The following CTNNB1 variants were observed in gnomAD, a reference collection of about 807,000 sequenced individuals.
CTNNB1 encodes the protein catenin beta-1.
A neutral mutation model predicts 82.5 loss-of-function variants in CTNNB1; 6 were observed. That is an observed-to-expected ratio of 0.07 (90% CI 0.04 to 0.14). The LOEUF is 0.14. CTNNB1 is among the 10% of genes least tolerant of loss of function. The pLI is 1.00. For missense variants in CTNNB1, 529 were observed against 980.4 expected, an observed-to-expected ratio of 0.54 and a Z score of 6.15; for synonymous variants, 312 against 329.7, an observed-to-expected ratio of 0.95 and a Z score of 0.58.
intron 10 of CTNNB1, 23 bp from the exon 11 acceptor site, chr3:41,235,701 G>C (rs1454426287): frequency 6.2e-7 from 1 of 1,614,092 alleles, no homozygotes; most frequent in African/African-American, 1.3e-5. Context: ...TGCCCTGTTT[G>C]TTAACCATGT....
rs1350450456 is a variant in CTNNB1, at chr3:41,225,055, G to A, written c.343G>A (p.Asp115Asn). 1 of 1,614,056 alleles carries A rather than the reference G, an allele frequency of 6.2e-7. No individual in the cohort carries two copies. Among genetic ancestry groups the A allele is most frequent in the Non-Finnish European group, 8.5e-7 (1 of 1,179,972 alleles). Residue 115 changes from aspartate (D) to asparagine (N), a missense_variant, in exon 4 of 15, where the codon GAT (aspartate) becomes AAT (asparagine). Coordinates refer to ENST00000349496, the MANE Select transcript of CTNNB1 (RefSeq NM_001904.4). This position sits in a 1 kb window ranked among gnomAD's most constrained non-coding sequence, Gnocchi z 5.3. ...EGMQIPSTQF[D>N]AAHPTNVQRL... ...CATGCAGATCCCATCTACACAGTTT[G>A]ATGCTGCTCATCCCACTAATGTCCA...
chr3:41,235,621 G>C, intron 10 of CTNNB1, 103 bp from the exon 11 acceptor site: 2 of 1,484,014 alleles, frequency 1.3e-6, no homozygotes, highest in South Asian at 2.3e-5. Context: ...TGCAAGTTAC[G>C]GGGAACTTCG....
At chr3:41,234,072 G>C in intron 9 of CTNNB1, 67 bp from the exon 10 acceptor site, 1 of 1,598,072 alleles carries the variant, frequency 6.3e-7, no homozygotes, top group East Asian at 2.2e-5. Flanking sequence ...ATTTAGTGTG[G>C]TGGGAATTTT....
Position 41,235,731 on chromosome 3 carries a change from T to C in CTNNB1, c.1691T>C (p.Val564Ala), listed in dbSNP as rs772081115. 6.2e-7 allele frequency: 1 copy of C among 1,613,774 alleles called. No homozygotes were observed. The highest frequency in any genetic ancestry group is 8.5e-7 in the Non-Finnish European group (1 of 1,179,920). ...CCATGTTTCTTTTGGCAGGAGGGGG[T>C]CCGCATGGAAGAAATAGTTGAAGGT... ...GGTQQQFVEG[V>A]RMEEIVEGCT... Residue 564 changes from valine to alanine, a missense_variant, in exon 11 of 15, where the codon GTC (valine) becomes GCC (alanine). Physicochemically the swap from Val to Ala is moderately conservative, Grantham distance 64. Transcript: ENST00000349496.
chr3:41,236,608 T>C lies in CTNNB1; in HGVS notation c.1975T>C (p.Leu659=), dbSNP rs781086938. The C allele has an allele frequency of 9.3e-6, 15 of 1,614,240 alleles. No homozygotes were observed. The highest frequency in any genetic ancestry group is 4.5e-5 in the East Asian group (2 of 44,886). Residue 659 remains leucine, a synonymous_variant, in exon 13 of 15, where the codon TTG becomes CTG. Transcript: ENST00000349496. ...CTTAGCGACATATGCAGCTGCTGTT[T>C]TGTTCCGAATGTCTGAGGACAAGCC... is the stretch of plus-strand genomic sequence containing the variant. ...EGVATYAAAV[L]FRMSEDKPQD... is the part of the protein sequence containing the mutation.
intron 1 of CTNNB1, among the ~76,000 whole-genome samples, chr3:41,218,183 T>C (rs2077957650): frequency 6.6e-6 from 1 of 152,152 alleles, no homozygotes; most frequent in South Asian, 2.1e-4. Flanking sequence ...CAAGCCCATT[T>C]CTCCTAATAC....
At chr3:41,223,296 C>T (rs2078095078) in intron 1 of CTNNB1, among the ~76,000 whole-genome samples, 1 of 151,500 alleles carries the variant, frequency 6.6e-6, no homozygotes, top group Non-Finnish European at 1.5e-5. Flanking sequence ...ACAATAAAGG[C>T]AAAATACGGA....
At chr3:41,205,663 G>C (rs2077633049) in intron 1 of CTNNB1, among the ~76,000 whole-genome samples, 1 of 151,866 alleles carries the variant, frequency 6.6e-6, no homozygotes, top group Non-Finnish European at 1.5e-5. Flanking sequence ...GCAACAGAGC[G>C]AGACTCCATC....
intron 2 of CTNNB1, 35 bp from the exon 3 acceptor site, chr3:41,224,491 A>C (rs761375943): frequency 1.9e-6 from 3 of 1,555,078 alleles, no homozygotes; most frequent in Non-Finnish European, 2.7e-6. Flanking sequence ...TAACATTTCC[A>C]ATCTACTAAT....
intron 8 of CTNNB1, 38 bp from the exon 9 acceptor site, chr3:41,233,491 T>A (rs2125638368): frequency 6.2e-7 from 1 of 1,612,430 alleles, no homozygotes; most frequent in Non-Finnish European, 8.5e-7. Context: ...TCAAGATGAG[T>A]ATGTGCTTGT....
In CTNNB1 at chr3:41,233,799, C is replaced by A. The variant is rs113411271; in HGVS notation, c.1456C>A (p.Arg486Ser). ...QEAEMAQNAV[R>S]LHYGLPVVVK... ...AGCAGAGATGGCCCAGAATGCAGTT[C>A]GCCTTCACTATGGACTACCAGTTGT... Residue 486 changes from arginine (R) to serine (S), a missense_variant, in exon 9 of 15, where the codon CGC becomes AGC. This residue lies in a region of CTNNB1 where 411 missense variants were observed against 776.4 expected (regional missense o/e 0.53). Transcript: ENST00000349496. 3 of 1,613,028 alleles carry A rather than the reference C, an allele frequency of 1.9e-6. No individual in the cohort carries two copies. The highest frequency in any genetic ancestry group is 1.3e-5 in the African/African-American group (1 of 74,970).
rs772823421 is a variant in CTNNB1 at position 41,233,685 on chromosome 3, G to T, written c.1342G>T (p.Val448Leu). Residue 448 changes from valine (V) to leucine (L), a missense_variant, in exon 9 of 15, where the codon GTG (valine) becomes TTG (leucine). Physicochemically the swap from Val to Leu is conservative, Grantham distance 32. Around this residue, in one of 4 missense-constraint regions of CTNNB1, gnomAD observed 411 missense variants for 776.4 expected, o/e 0.53. Coordinates refer to ENST00000349496, the MANE Select transcript of CTNNB1 (RefSeq NM_001904.4). The stretch of plus-strand genomic sequence containing the variant: ...CCAAGTGGGTGGTATAGAGGCTCTT[G>T]TGCGTACTGTCCTTCGGGCTGGTGA... ...VCQVGGIEAL[V>L]RTVLRAGDRE... 6.2e-7 allele frequency: 1 copy of T among 1,614,096 alleles called. No individual in the cohort carries two copies. Among genetic ancestry groups the T allele is most frequent in the South Asian group, 1.1e-5 (1 of 91,076 alleles).
At chr3:41,223,899 T>C (rs1333067887) in intron 1 of CTNNB1, 122 bp from the exon 2 acceptor site, 1 of 695,994 alleles carries the variant, frequency 1.4e-6, no homozygotes, top group African/African-American at 1.8e-5. Flanking sequence ...ACTAACCTGG[T>C]AAAAGAGGAT....
Position 41,225,889 on chromosome 3 carries a change from T to C in CTNNB1, c.936+28T>C. 1 of 1,589,660 alleles carries C rather than the reference T, an allele frequency of 6.3e-7. No homozygotes were observed. The highest frequency in any genetic ancestry group is 8.6e-7 in the Non-Finnish European group (1 of 1,160,600). The stretch of plus-strand genomic sequence containing the variant: ...AAGAGAATTATTCTTTATGTGGTTT[T>C]CATGGAGCATTGGACACCTCCAGTG... On this transcript the variant is annotated intron_variant, in intron 6 of 14. Transcript: ENST00000349496. The surrounding 1 kb of genome is among the most constrained non-coding windows in gnomAD (Gnocchi z 5.3).
chr3:41,230,312 C>T (rs1405129063), intron 7 of CTNNB1, among the ~76,000 whole-genome samples: 1 of 152,100 alleles, frequency 6.6e-6, no homozygotes. Context: ...ATCAGAATCC[C>T]TGGAGTGTTA....
chr3:41,203,466 T>G (rs1334338345), intron 1 of CTNNB1, among the ~76,000 whole-genome samples: 2 of 152,082 alleles, frequency 1.3e-5, no homozygotes, highest in Non-Finnish European at 2.9e-5. Context: ...GTATAGTACT[T>G]TAGGAGGTAA....
At chr3:41,204,752 T>C (rs1211950189) in intron 1 of CTNNB1, among the ~76,000 whole-genome samples, 2 of 152,238 alleles carry the variant, frequency 1.3e-5, no homozygotes, top group African/African-American at 4.8e-5. Context: ...AATACACTTA[T>C]TTGCTGAATA....
chr3:41,216,809 G>A (rs2077926492), intron 1 of CTNNB1, among the ~76,000 whole-genome samples: 1 of 152,048 alleles, frequency 6.6e-6, no homozygotes, highest in Admixed American at 6.6e-5. Context: ...GTATGCAGAT[G>A]CCTTGCATAC....
intron 14 of CTNNB1, 107 bp downstream of exon 14, chr3:41,238,183 T>C (rs1005271017): frequency 4.2e-6 from 4 of 959,034 alleles, no homozygotes; most frequent in Middle Eastern, 2.1e-4. Context: ...GGCAGAAAAG[T>C]AGTGGCTTCA....
Sources: allele counts gnomAD v4.1 joint callset (sites outside exome capture counted in the v4.1 genomes callset), GRCh38; gene constraint gnomAD v4.1.1; regional missense constraint gnomAD v4.1.1; non-coding constraint Gnocchi (gnomAD v3.1); transcripts MANE v1.5; gene names NCBI Gene and HGNC (gene_info 2026-07-23, HGNC 2026-07-21).